Variants in FNBP4 observed in about 807,000 individuals in gnomAD.
FNBP4 encodes the protein formin binding protein 4.
Under a neutral mutation model 119.3 loss-of-function variants are expected in FNBP4, and 34 were observed. The ratio of observed to expected loss-of-function variants is 0.28; its 90% CI spans 0.22 to 0.38. The LOEUF is 0.38. Ranked by LOEUF, FNBP4 falls within the 10% of genes least tolerant of loss-of-function variation. FNBP4 has a pLI of 1.00. For synonymous variants in FNBP4, 462 were observed against 430.6 expected, an observed-to-expected ratio of 1.07 and a Z score of -0.90; for missense variants, 1,112 against 1,228.9, an observed-to-expected ratio of 0.90 and a Z score of 1.42.
chr11:47,734,686 A>G (rs976358903), intron 9 of FNBP4, among the ~76,000 whole-genome samples: 1 of 151,796 alleles, frequency 6.6e-6, no homozygotes, highest in Non-Finnish European at 1.5e-5. Context: ...TATAAAATAA[A>G]TTTTGGGGCT....
rs1202241742 is a variant in FNBP4, at chr11:47,717,443, C to A, written c.3033G>T (p.Arg1011Ser). The A allele has an allele frequency of 6.2e-7, 1 of 1,612,254 alleles. No individual in the cohort carries two copies. The highest frequency in any genetic ancestry group is 1.7e-5 in the Admixed American group (1 of 59,926). Residue 1011 changes from arginine (R) to serine (S), a missense_variant, in exon 17 of 17, where the codon AGG (arginine) becomes AGT (serine). By Grantham distance (110) the Arg-to-Ser change is moderately radical (BLOSUM62 -1). Coordinates refer to ENST00000263773, the MANE Select transcript of FNBP4 (RefSeq NM_015308.5). Reference sequence around the variant, plus strand: ...AAAACTATGTGTTTGGAGCCATTTTCCTTCTCTTCAGCCTTGCTCTCCAAT... The same window carrying A: ...AAAACTATGTGTTTGGAGCCATTTTACTTCTCTTCAGCCTTGCTCTCCAAT... Reference protein sequence around the residue: ...PEDWRARLKRRKMAPNT With the variant: ...PEDWRARLKRSKMAPNT
intron 12 of FNBP4, chr11:47,730,069 GA>G (rs2097565693): frequency 1.0e-6 from 1 of 985,258 alleles, no homozygotes; most frequent in Non-Finnish European, 1.2e-6. Context: ...AGTGTTCACA[GA>G]ACATTCAGAA....
intron 9 of FNBP4, among the ~76,000 whole-genome samples, chr11:47,734,876 G>C (rs2097571814): frequency 6.6e-6 from 1 of 151,918 alleles, no homozygotes; most frequent in African/African-American, 2.4e-5. Context: ...GGGAGGCTGA[G>C]GCAGAAGAAT....
chr11:47,733,972 T>C (rs779575634), intron 10 of FNBP4, 53 bp downstream of exon 10: 79 of 902,812 alleles, frequency 8.8e-5, no homozygotes, highest in Admixed American at 1.4e-4. Flanking sequence ...ACATACAGCA[T>C]TTCATTCAAA....
intron 3 of FNBP4, 77 bp from the exon 4 acceptor site, chr11:47,753,179 A>T (rs1369363547): frequency 1.6e-6 from 2 of 1,270,788 alleles, no homozygotes; most frequent in South Asian, 3.0e-5. Context: ...ATCACTTTTT[A>T]AAAATTCTAC....
chr11:47,757,192 T>C, intron 2 of FNBP4, among the ~76,000 whole-genome samples: 1 of 152,166 alleles, frequency 6.6e-6, no homozygotes, highest in African/African-American at 2.4e-5. Flanking sequence ...TTTCTCCACA[T>C]CCTTTCCAGC....
In FNBP4 at chr11:47,733,974, T is replaced by A. The variant is rs774225588; in HGVS notation, c.1686+51A>T. ...CAGAATCGTTAACACATACAGCATT[T>A]CATTCAAACACTTAACTGTTTATGC... is the stretch of plus-strand genomic sequence containing the variant. On this transcript the variant is annotated intron_variant, in intron 10 of 16. Coordinates refer to ENST00000263773, the MANE Select transcript of FNBP4 (RefSeq NM_015308.5). The A allele has an allele frequency of 4.4e-6, 4 of 905,942 alleles. No individual in the cohort carries two copies. In the East Asian group the frequency reaches 7.9e-5, roughly 18 times the overall value. 56.1% of individuals were successfully genotyped at this position (905,942 alleles called of 1,614,324 possible).
chr11:47,759,357 G>A (rs1384918242), intron 2 of FNBP4, among the ~76,000 whole-genome samples: 4 of 150,950 alleles, frequency 2.6e-5, no homozygotes, highest in Admixed American at 1.3e-4. Context: ...GATTATAGGC[G>A]TGCACCACCA....
chr11:47,725,227 C>CT (rs2097559738), intron 12 of FNBP4: 1 of 153,230 alleles, frequency 6.5e-6, no homozygotes, highest in Non-Finnish European at 1.5e-5. Flanking sequence ...AGTCTGGAGT[C>CT]TATTTCAAAA....
At chr11:47,750,496 T>C (rs1168525232) in intron 6 of FNBP4, among the ~76,000 whole-genome samples, 1 of 148,178 alleles carries the variant, frequency 6.7e-6, no homozygotes, top group African/African-American at 2.5e-5. Context: ...GAGACCATCC[T>C]GGCTAACACA....
rs1357941404 is a variant in FNBP4 at position 47,746,169 on chromosome 11, T to C, written c.1132A>G (p.Asn378Asp). ...IVKPQEIMLD[N>D]IEDPSQEDLC... is the part of the protein sequence containing the mutation. The stretch of plus-strand genomic sequence containing the variant: ...TCCTCCTGAGAAGGGTCTTCTATAT[T>C]GTCCAACATAATTTCCTGTGGCTTT... The change falls in exon 7 of 17, where the codon AAT (asparagine) becomes GAT (aspartate). Residue 378 changes from asparagine (N) to aspartate (D), a missense_variant. Around this residue, in one of 2 missense-constraint regions of FNBP4, gnomAD observed 826 missense variants for 988.8 expected, o/e 0.84. Coordinates refer to ENST00000263773, the MANE Select transcript of FNBP4 (RefSeq NM_015308.5). The C allele has an allele frequency of 6.2e-7, 1 of 1,614,116 alleles. No homozygotes were observed.
intron 4 of FNBP4, among the ~76,000 whole-genome samples, chr11:47,751,542 T>C (rs2097603996): frequency 6.6e-6 from 1 of 151,906 alleles, no homozygotes; most frequent in East Asian, 1.9e-4. Flanking sequence ...TTGACAGACA[T>C]TGTCAAATAT....
intron 12 of FNBP4, among the ~76,000 whole-genome samples, chr11:47,727,632 C>A (rs2097562666): frequency 6.6e-6 from 1 of 152,150 alleles, no homozygotes; most frequent in Non-Finnish European, 1.5e-5. Context: ...CATTACCCAT[C>A]TCACATGAAA....
chr11:47,723,026 CTGG>C lies in FNBP4; in HGVS notation c.2752_2754del (p.Pro918del). ...TTTTCAGGTGGTGGCATTTTGGGAGCTGGTGGTGGTGGAGGAGGAGGAGGAGGA... is the reference window on the plus strand; with the variant it reads ...TTTTCAGGTGGTGGCATTTTGGGAGCTGGTGGTGGAGGAGGAGGAGGAGGA... On this transcript the variant is annotated inframe_deletion, in exon 15 of 17. Transcript: ENST00000263773. 1.3e-6 allele frequency: 2 copies of C among 1,569,904 alleles called. No individual in the cohort carries two copies. Among genetic ancestry groups the C allele is most frequent in the Non-Finnish European group, 8.6e-7 (1 of 1,157,300 alleles).
intron 2 of FNBP4, among the ~76,000 whole-genome samples, chr11:47,759,522 T>C (rs954954853): frequency 2.0e-5 from 3 of 152,080 alleles, no homozygotes; most frequent in African/African-American, 7.2e-5. Context: ...CCCAATTTTC[T>C]TGATATTCTG....
chr11:47,767,203 C>A lies in FNBP4; in HGVS notation c.86G>T (p.Arg29Leu). Residue 29 changes from arginine (R) to leucine (L), a missense_variant, in exon 1 of 17, where the codon CGG becomes CTG. By Grantham distance (102) the Arg-to-Leu change is moderately radical (BLOSUM62 -2). This residue lies in a region of FNBP4 where 286 missense variants were observed against 240.1 expected (regional missense o/e 1.19). Coordinates refer to ENST00000263773, the MANE Select transcript of FNBP4 (RefSeq NM_015308.5). ...PPGPRGSTPG[R>L]DPEPEPDTEP... The stretch of plus-strand genomic sequence containing the variant: ...AGTGTCGGGTTCCGGCTCCGGGTCC[C>A]GGCCCGGCGTGCTGCCCCGAGGACC... The A allele has an allele frequency of 6.4e-7, 1 of 1,563,886 alleles. No homozygotes were observed. Among genetic ancestry groups the A allele is most frequent in the East Asian group, 2.4e-5 (1 of 42,360 alleles).
chr11:47,741,828 AAAAT>A (rs1200621478), intron 8 of FNBP4, among the ~76,000 whole-genome samples: 1 of 152,150 alleles, frequency 6.6e-6, no homozygotes, highest in Non-Finnish European at 1.5e-5. Context: ...AAAAAATAAA[AAAAT>A]AAAGAATGCA....
chr11:47,731,542 A>G lies in FNBP4; in HGVS notation c.1840T>C (p.Tyr614His), dbSNP rs750319386. 1 of 1,610,248 alleles carries G rather than the reference A, an allele frequency of 6.2e-7. No individual in the cohort carries two copies. Among genetic ancestry groups the G allele is most frequent in the Non-Finnish European group, 8.5e-7 (1 of 1,179,064 alleles). ...GACTCGCCCGACTGTTCGTTTACAT[A>G]GAAATACCGTCTATGATCCCTAAAT... is the stretch of plus-strand genomic sequence containing the variant. ...HWDRDHRRYFYVNEQSGESQW... is the reference protein window; with the variant it reads ...HWDRDHRRYFHVNEQSGESQW... The change falls in exon 12 of 17, where the codon TAT becomes CAT. Residue 614 changes from tyrosine to histidine, a missense_variant. This residue lies in a region of FNBP4 where 826 missense variants were observed against 988.8 expected (regional missense o/e 0.84). Transcript: ENST00000263773.
chr11:47,718,507 C>T (rs868400091), intron 16 of FNBP4, among the ~76,000 whole-genome samples: 3 of 152,138 alleles, frequency 2.0e-5, no homozygotes, highest in South Asian at 2.1e-4. Flanking sequence ...CCCCTGTGCC[C>T]GGCCGGATCT....
Sources: allele counts gnomAD v4.1 joint callset (sites outside exome capture counted in the v4.1 genomes callset), GRCh38; gene constraint gnomAD v4.1.1; regional missense constraint gnomAD v4.1.1; transcripts MANE v1.5; gene names NCBI Gene and HGNC (gene_info 2026-07-23, HGNC 2026-07-21).